ROBO1: variants seen among roughly 807,000 people sequenced by gnomAD.
The protein encoded by ROBO1 is roundabout guidance receptor 1.
ROBO1 carries 149 observed loss-of-function variants against 195.9 expected under a neutral mutation model. That is an observed-to-expected ratio of 0.76 (90% CI 0.67 to 0.87). The LOEUF (loss-of-function observed/expected upper bound fraction) is 0.87, where lower values mean the gene tolerates loss of function less well. Ranked by LOEUF, ROBO1 falls within the 40% of genes least tolerant of loss-of-function variation. The probability of loss-of-function intolerance (pLI) is 0.00; values close to 1 mark genes in which losing one functional copy is unlikely to be tolerated. For synonymous variants in ROBO1, 816 were observed against 733.2 expected (o/e 1.11, Z -1.82); for missense variants, 1,933 against 2,068.3 (o/e 0.93, Z 1.27).
chr3:79,043,719 T>C (rs1388230643), intron 3 of ROBO1, among the ~76,000 whole-genome samples: 2 of 152,098 alleles, frequency 1.3e-5, no homozygotes, highest in South Asian at 2.1e-4. Context: ...ATAACACATG[T>C]TAAGTATAGA....
At chr3:79,541,925 T>C (rs1332761915) in intron 2 of ROBO1, among the ~76,000 whole-genome samples, 1 of 151,376 alleles carries the variant, frequency 6.6e-6, no homozygotes, top group African/African-American at 2.4e-5. Flanking sequence ...AAGATCATTA[T>C]ATATATAGTA....
intron 1 of ROBO1, among the ~76,000 whole-genome samples, chr3:79,677,957 A>G (rs1946834854): frequency 6.6e-6 from 1 of 152,126 alleles, no homozygotes; most frequent in South Asian, 2.1e-4. Context: ...AAGCTGCTAA[A>G]TTTGTGGTAA....
intron 2 of ROBO1, among the ~76,000 whole-genome samples, chr3:79,179,816 T>C (rs565064968): frequency 6.6e-6 from 1 of 152,286 alleles, no homozygotes; most frequent in Admixed American, 6.5e-5. Context: ...GTGTTGAACA[T>C]TTGGTTTATA....
intron 1 of ROBO1, among the ~76,000 whole-genome samples, chr3:79,696,828 A>G (rs1016203237): frequency 4.6e-5 from 7 of 151,572 alleles, no homozygotes; most frequent in African/African-American, 1.7e-4. Flanking sequence ...TCAGACCAAG[A>G]TTATATAAAG....
intron 19 of ROBO1, 114 bp downstream of exon 19, chr3:78,651,618 A>G (rs1241131046): frequency 2.6e-6 from 2 of 775,016 alleles, no homozygotes; most frequent in Non-Finnish European, 3.9e-6. Context: ...GAAAATCTTT[A>G]TATATTAAAA....
chr3:79,464,670 AT>A (rs1477214733), intron 2 of ROBO1, among the ~76,000 whole-genome samples: 7 of 152,106 alleles, frequency 4.6e-5, no homozygotes, highest in African/African-American at 4.8e-5. Context: ...ATTTGCATAT[AT>A]TTTTCCCATT....
At chr3:79,160,573 G>A (rs2080940216) in intron 2 of ROBO1, among the ~76,000 whole-genome samples, 1 of 151,948 alleles carries the variant, frequency 6.6e-6, no homozygotes, top group South Asian at 2.1e-4. Flanking sequence ...TCTAATTGTA[G>A]ATGTAGTGAG....
intron 2 of ROBO1, among the ~76,000 whole-genome samples, chr3:79,560,923 G>GC (rs1942894454): frequency 6.6e-6 from 1 of 152,006 alleles, no homozygotes; most frequent in Admixed American, 6.6e-5. Flanking sequence ...TTTGCTTTGT[G>GC]CCCCCAACTG....
intron 2 of ROBO1, among the ~76,000 whole-genome samples, chr3:79,220,726 T>G (rs1253354704): frequency 6.6e-6 from 1 of 152,066 alleles, no homozygotes; most frequent in Admixed American, 6.6e-5. Flanking sequence ...AAATAAATCA[T>G]GACATAAAAT....
intron 2 of ROBO1, among the ~76,000 whole-genome samples, chr3:79,205,925 T>G (rs2081857680): frequency 1.3e-5 from 2 of 152,210 alleles, no homozygotes; most frequent in South Asian, 4.1e-4. Flanking sequence ...AAGGATGATT[T>G]CTAGGTAGGT....
At position 78,919,694 on chromosome 3, in the gene ROBO1, T is replaced by C. The variant is rs187727395; in HGVS notation, c.499+18907A>G. 2.9e-4 allele frequency among the ~76,000 whole-genome samples: 44 copies of C among 152,318 alleles called. No homozygotes were observed. The East Asian group carries it at 8.1e-3, about 28-fold the overall frequency. On this transcript the variant is annotated intron_variant, in intron 4 of 30. Coordinates refer to ENST00000464233, the MANE Select transcript of ROBO1 (RefSeq NM_002941.4). ...GGTTTCTTTACCCAAAGCTACTTTG[T>C]CTTTACATCACAGAAAAAGTTGAGG...
chr3:78,697,715 A>G (rs1160472428), intron 8 of ROBO1, among the ~76,000 whole-genome samples: 1 of 152,216 alleles, frequency 6.6e-6, no homozygotes, highest in Admixed American at 6.5e-5. Flanking sequence ...ATTGAATCTT[A>G]AAGTGCTTTC....
At chr3:79,291,898 T>G (rs540947731) in intron 2 of ROBO1, among the ~76,000 whole-genome samples, 57 of 152,326 alleles carry the variant, frequency 3.7e-4, no homozygotes, top group African/African-American at 1.1e-3. Context: ...GAGAATACAC[T>G]TCTCTACCCT....
At chr3:78,614,901 A>T in intron 27 of ROBO1, 101 bp from the exon 28 acceptor site, 1 of 1,221,516 alleles carries the variant, frequency 8.2e-7, no homozygotes, top group South Asian at 1.7e-5. Context: ...AACAGCTTTA[A>T]TTTTTCTGAA....
At chr3:79,676,980 G>A (rs763809771) in intron 1 of ROBO1, among the ~76,000 whole-genome samples, 3 of 151,972 alleles carry the variant, frequency 2.0e-5, no homozygotes, top group Non-Finnish European at 1.5e-5. Context: ...TTGGGATTGG[G>A]TAGATATTTT....
chr3:79,365,722 C>T (rs527922216), intron 2 of ROBO1, among the ~76,000 whole-genome samples: 44 of 151,928 alleles, frequency 2.9e-4, no homozygotes, highest in Non-Finnish European at 5.9e-4. Context: ...ACGGTGAAAC[C>T]CCGTCTCTAC....
chr3:78,805,276 A>C (rs1381540015), intron 4 of ROBO1, among the ~76,000 whole-genome samples: 1 of 152,122 alleles, frequency 6.6e-6, no homozygotes, highest in Non-Finnish European at 1.5e-5. Flanking sequence ...TTACACTTTA[A>C]AATATTGTGA....
At chr3:79,275,069 C>T (rs552016941) in intron 2 of ROBO1, among the ~76,000 whole-genome samples, 3 of 152,010 alleles carry the variant, frequency 2.0e-5, no homozygotes, top group African/African-American at 7.2e-5. Context: ...AGAACTAATA[C>T]CAATCCTACT....
At chr3:78,813,530 C>T (rs2084808144) in intron 4 of ROBO1, among the ~76,000 whole-genome samples, 1 of 152,018 alleles carries the variant, frequency 6.6e-6, no homozygotes, top group Non-Finnish European at 1.5e-5. Context: ...TCCTTACTTC[C>T]AGTTAATCAG....
Sources: gnomAD v4.1 joint callset for allele counts (sites outside exome capture counted in the v4.1 genomes callset) on GRCh38, gnomAD v4.1.1 for gene constraint, MANE v1.5 for transcripts, NCBI Gene and HGNC (gene_info 2026-07-23, HGNC 2026-07-21) for gene names.